The following ZNF425 variants were observed in gnomAD, a reference collection of about 807,000 sequenced individuals.
ZNF425 encodes zinc finger protein 425.
ZNF425 carries 21 observed loss-of-function variants against 17.0 expected under a neutral mutation model. The ratio of observed to expected loss-of-function variants is 1.23; its 90% CI spans 0.88 to 1.78. The LOEUF (loss-of-function observed/expected upper bound fraction) is 1.78, where lower values mean the gene tolerates loss of function less well. Ranked by LOEUF, ZNF425 falls within the 40% of genes most tolerant of loss-of-function variation. The probability of loss-of-function intolerance (pLI) is 0.00; values close to 1 mark genes in which losing one functional copy is unlikely to be tolerated. For synonymous variants in ZNF425, 433 were observed against 384.1 expected (o/e 1.13, Z -1.49); for missense variants, 868 against 967.3 (o/e 0.90, Z 1.36).
At chr7:149,112,095 G>C (rs774056672) in intron 3 of ZNF425, 42 bp downstream of exon 3, 19 of 1,584,452 alleles carry the variant, frequency 1.2e-5, no homozygotes, top group Non-Finnish European at 1.6e-5. Context: ...AACAAGGCTA[G>C]GAAAATAAAA....
At chr7:149,113,833 G>A (rs940129615) in intron 2 of ZNF425, among the ~76,000 whole-genome samples, 6 of 151,224 alleles carry the variant, frequency 4.0e-5, no homozygotes, top group African/African-American at 1.2e-4. Flanking sequence ...TTACAGGCGT[G>A]AGCCACCGCA....
At chr7:149,118,471 A>G in intron 1 of ZNF425, 123 bp from the exon 2 acceptor site, 2 of 1,226,480 alleles carry the variant, frequency 1.6e-6, no homozygotes, top group South Asian at 1.4e-5. Context: ...GTGCCATATT[A>G]TAAAATAAAC....
At chr7:149,115,392 G>A (rs1190055643) in intron 2 of ZNF425, among the ~76,000 whole-genome samples, 4 of 151,758 alleles carry the variant, frequency 2.6e-5, no homozygotes, top group Non-Finnish European at 5.9e-5. Context: ...GGTGGCTCAC[G>A]CTTGTAATCC....
At chr7:149,107,295 C>G (rs945280720) in intron 3 of ZNF425, among the ~76,000 whole-genome samples, 59 of 151,508 alleles carry the variant, frequency 3.9e-4, no homozygotes, top group African/African-American at 1.4e-3. Flanking sequence ...TTCCAAAAAA[C>G]TCTGCATTAT....
chr7:149,118,534 C>G, intron 1 of ZNF425, 186 bp from the exon 2 acceptor site: 1 of 682,188 alleles, frequency 1.5e-6, no homozygotes, highest in Non-Finnish European at 2.4e-6. Context: ...ATGAATGGGC[C>G]GGGCCCAGTC....
intron 3 of ZNF425, among the ~76,000 whole-genome samples, chr7:149,109,240 G>A (rs930468935): frequency 1.3e-5 from 2 of 151,874 alleles, no homozygotes; most frequent in African/African-American, 4.8e-5. Context: ...ACCACGCCTG[G>A]CTAATTTTTG....
rs1014556026 is a variant in ZNF425 at position 149,103,040 on chromosome 7, T to C, written c.*572A>G. ...GGATTATTGGATGACACTGAAGAGA[T>C]CGTTGGACTAGCAGATCAGTGTGAA... On this transcript the variant is annotated 3_prime_UTR_variant, in exon 4 of 4. Transcript: ENST00000378061. The C allele has an allele frequency of 1.3e-5, 2 of 152,484 alleles. No homozygotes were observed. The highest frequency in any genetic ancestry group is 2.9e-5 in the Non-Finnish European group (2 of 68,276). 9.4% of individuals were successfully genotyped at this position (152,484 alleles called of 1,614,324 possible).
Position 149,103,386 on chromosome 7 carries a change from T to A in ZNF425, c.*226A>T. 1.9e-6 allele frequency: 1 copy of A among 539,202 alleles called. No individual in the cohort carries two copies. Among genetic ancestry groups the A allele is most frequent in the Non-Finnish European group, 3.2e-6 (1 of 316,576 alleles). The allele number at this position is 539,202 out of a possible 1,614,324, so 33.4% of individuals were successfully genotyped here. On this transcript the variant is annotated 3_prime_UTR_variant, in exon 4 of 4. Transcript: ENST00000378061. ...GCATGCACCACAACGCCTGGCTGAC[T>A]TTTATATTTTTTGTAGAGATGGAGT... is the stretch of plus-strand genomic sequence containing the variant.
intron 2 of ZNF425, among the ~76,000 whole-genome samples, chr7:149,116,842 T>C (rs1264228478): frequency 6.6e-6 from 1 of 151,964 alleles, no homozygotes; most frequent in Non-Finnish European, 1.5e-5. Context: ...AAAATTGTCT[T>C]CCCCCTAATT....
Position 149,103,859 on chromosome 7 carries a change from C to T in ZNF425, c.2012G>A (p.Cys671Tyr), listed in dbSNP as rs562141713. Reference sequence around the variant, plus strand: ...GCCCCTGATGCAGTAGCTCTTGTCACACTCCGGACACTGGAAGGGCTTCTC... The same window carrying T: ...GCCCCTGATGCAGTAGCTCTTGTCATACTCCGGACACTGGAAGGGCTTCTC... ...SGEKPFQCPE[C>Y]DKSYCIRGSL... is the part of the protein sequence containing the mutation. Residue 671 changes from cysteine to tyrosine, a missense_variant, in exon 4 of 4, where the codon TGT (cysteine) becomes TAT (tyrosine). By Grantham distance (194) the Cys-to-Tyr change is radical. Transcript: ENST00000378061. 1 of 1,614,072 alleles carries T rather than the reference C, an allele frequency of 6.2e-7. No homozygotes were observed. The highest frequency in any genetic ancestry group is 1.1e-5 in the South Asian group (1 of 91,080).
intron 1 of ZNF425, among the ~76,000 whole-genome samples, chr7:149,120,618 A>G (rs1038332453): frequency 1.3e-5 from 2 of 152,186 alleles, no homozygotes; most frequent in African/African-American, 4.8e-5. Context: ...AATACTTACT[A>G]TTGTGTTACA....
chr7:149,108,528 C>T, intron 3 of ZNF425, among the ~76,000 whole-genome samples: 1 of 152,150 alleles, frequency 6.6e-6, no homozygotes, highest in East Asian at 1.9e-4. Context: ...TGGCTGAGCA[C>T]CACCTTGTAC....
At chr7:149,113,307 A>T (rs1826205278) in intron 2 of ZNF425, 1 of 151,742 alleles carries the variant, frequency 6.6e-6, no homozygotes, top group Non-Finnish European at 1.5e-5. Flanking sequence ...CCACAATAAA[A>T]ATCATTTTCA....
In ZNF425 at chr7:149,103,766, C is replaced by A. The variant is rs200775505; in HGVS notation, c.2105G>T (p.Gly702Val). The A allele has an allele frequency of 8.1e-6, 13 of 1,614,088 alleles. No homozygotes were observed. In the South Asian group the frequency reaches 1.2e-4, roughly 15 times the overall value. ...RPFQCPECGKGFLQKRSLKAH... is the reference protein window; with the variant it reads ...RPFQCPECGKVFLQKRSLKAH... ...CTTCAGGCTTCTCTTCTGGAGGAAG[C>A]CTTTGCCACACTCGGGACACTGGAA... is the stretch of plus-strand genomic sequence containing the variant. Residue 702 changes from glycine to valine, a missense_variant, in exon 4 of 4, where the codon GGC (glycine) becomes GTC (valine). This residue lies in a region of ZNF425 where 437 missense variants were observed against 444.2 expected (regional missense o/e 0.98). Transcript: ENST00000378061.
chr7:149,117,375 G>A (rs1176478250), intron 2 of ZNF425, among the ~76,000 whole-genome samples: 2 of 151,926 alleles, frequency 1.3e-5, no homozygotes, highest in Admixed American at 6.6e-5. Context: ...GTATGTCCCT[G>A]GAGTTACCTA....
In ZNF425 at chr7:149,104,472, G is replaced by A. The variant is rs1208921520; in HGVS notation, c.1399C>T (p.Gln467Ter). 1.9e-6 allele frequency: 3 copies of A among 1,598,252 alleles called. No homozygotes were observed. The highest frequency in any genetic ancestry group is 2.6e-6 in the Non-Finnish European group (3 of 1,173,648). Residue 467 changes from glutamine to a stop codon, truncating the protein, a stop_gained, in exon 4 of 4, where the codon CAA becomes TAA. Transcript: ENST00000378061. LOFTEE classifies it low-confidence loss of function (END_TRUNC). This position sits in a 1 kb window ranked among gnomAD's most constrained non-coding sequence, Gnocchi z 4.3. ...MRAHQRLHSE[Q>*]KPFPCAECGK... ...CACTCGGCGCAGGGGAAGGGCTTTT[G>A]CTCGCTGTGCAGGCGCTGGTGGGCG...
intron 2 of ZNF425, among the ~76,000 whole-genome samples, chr7:149,115,048 C>T (rs1268024010): frequency 1.3e-5 from 2 of 149,970 alleles, no homozygotes; most frequent in Non-Finnish European, 3.0e-5. Context: ...AATCCTCCCA[C>T]CTCAGCCTCC....
intron 1 of ZNF425, among the ~76,000 whole-genome samples, chr7:149,124,526 TTTGTTGTTG>T (rs201558229): frequency 4.6e-5 from 7 of 150,890 alleles, no homozygotes; most frequent in African/African-American, 1.5e-4. Flanking sequence ...CCCATATTTT[TTTGTTGTTG>T]TTGTTGTTGT....
At chr7:149,117,709 A>G (rs1826289440) in intron 2 of ZNF425, among the ~76,000 whole-genome samples, 2 of 119,114 alleles carry the variant, frequency 1.7e-5, no homozygotes, top group African/African-American at 3.3e-5. Flanking sequence ...CTGGAGTGCA[A>G]TGGCACGATC....
Sources: gnomAD v4.1 joint callset for allele counts (sites outside exome capture counted in the v4.1 genomes callset) on GRCh38, gnomAD v4.1.1 for gene constraint, gnomAD v4.1.1 regional missense constraint, Gnocchi (gnomAD v3.1) non-coding constraint, MANE v1.5 for transcripts, NCBI Gene and HGNC (gene_info 2026-07-23, HGNC 2026-07-21) for gene names.